The following SNX29 variants were observed in gnomAD, a reference collection of about 807,000 sequenced individuals.
SNX29 encodes the protein sorting nexin 29, also known as sorting nexin-29.
Under a neutral mutation model 102.1 loss-of-function variants are expected in SNX29, and 78 were observed. That is an observed-to-expected ratio of 0.76 (90% CI 0.64 to 0.92). SNX29 has a LOEUF of 0.92. Ranked by LOEUF, SNX29 falls within the 40% of genes least tolerant of loss-of-function variation. The pLI is 0.00. For synonymous variants in SNX29, 580 were observed against 414.5 expected (o/e 1.40, Z -4.85); for missense variants, 1,280 against 1,061.7 (o/e 1.21, Z -2.86).
intron 19 of SNX29, among the ~76,000 whole-genome samples, chr16:12,483,820 G>GT (rs1269117161): frequency 1.3e-5 from 2 of 152,210 alleles, no homozygotes; most frequent in East Asian, 3.8e-4. Context: ...AGAACAAGGA[G>GT]TAGGGGCAAG....
chr16:12,567,830 G>C (rs550163481), intron 20 of SNX29, among the ~76,000 whole-genome samples: 1 of 152,040 alleles, frequency 6.6e-6, no homozygotes, highest in Non-Finnish European at 1.5e-5. Flanking sequence ...CTGCTCTCAC[G>C]GTGAAGCCTC....
intron 14 of SNX29, among the ~76,000 whole-genome samples, chr16:12,248,377 C>G (rs560516080): frequency 1.3e-5 from 2 of 151,748 alleles, no homozygotes; most frequent in African/African-American, 2.4e-5. Context: ...TCTTCCTCTC[C>G]CCATCCAGAT....
chr16:12,451,720 C>T (rs929737608), intron 18 of SNX29, among the ~76,000 whole-genome samples: 4 of 152,142 alleles, frequency 2.6e-5, no homozygotes, highest in East Asian at 1.9e-4. Context: ...AAAAATTAGC[C>T]GGGCATGGTG....
intron 1 of SNX29, chr16:11,977,109 T>A (rs1263652374): frequency 8.5e-6 from 3 of 353,494 alleles, no homozygotes; most frequent in Non-Finnish European, 1.5e-5. Flanking sequence ...CCTTGCCTAG[T>A]GTCCAGACCC....
intron 14 of SNX29, among the ~76,000 whole-genome samples, chr16:12,238,394 C>T (rs899562043): frequency 6.3e-4 from 95 of 151,626 alleles, no homozygotes; most frequent in African/African-American, 2.0e-3. Flanking sequence ...GGCATGATCT[C>T]GGCTCACTGC....
intron 18 of SNX29, among the ~76,000 whole-genome samples, chr16:12,433,258 G>T (rs1433426974): frequency 3.3e-5 from 5 of 152,170 alleles, no homozygotes; most frequent in Non-Finnish European, 5.9e-5. Context: ...TAATGTCGAT[G>T]TAACGAGCCT....
intron 2 of SNX29, among the ~76,000 whole-genome samples, chr16:11,999,756 C>T (rs762190604): frequency 1.1e-4 from 16 of 152,010 alleles, no homozygotes; most frequent in Non-Finnish European, 1.9e-4. Context: ...CAAAAATTAG[C>T]AGGGTGTGGT....
At chr16:12,463,779 C>A (rs1320426022) in intron 18 of SNX29, among the ~76,000 whole-genome samples, 1 of 151,238 alleles carries the variant, frequency 6.6e-6, no homozygotes, top group Admixed American at 6.6e-5. Flanking sequence ...GTAATGACTG[C>A]CACAATCAGA....
intron 13 of SNX29, among the ~76,000 whole-genome samples, chr16:12,197,020 T>C (rs2076792842): frequency 6.6e-6 from 1 of 151,734 alleles, no homozygotes; most frequent in South Asian, 2.1e-4. Flanking sequence ...GGCCACAGAG[T>C]TGGAGATGAA....
intron 19 of SNX29, among the ~76,000 whole-genome samples, chr16:12,517,605 A>G (rs988705832): frequency 3.3e-5 from 5 of 152,186 alleles, no homozygotes; most frequent in East Asian, 1.9e-4. Context: ...ACAAATGTGT[A>G]TGGAGCCTCT....
intron 4 of SNX29, among the ~76,000 whole-genome samples, chr16:12,040,736 G>C (rs2049848032): frequency 6.6e-6 from 1 of 152,170 alleles, no homozygotes. Context: ...ATTGTAATAG[G>C]AAAATGTTCA....
intron 3 of SNX29, among the ~76,000 whole-genome samples, chr16:12,004,289 C>T (rs1000339208): frequency 2.0e-5 from 3 of 148,308 alleles, no homozygotes; most frequent in African/African-American, 7.5e-5. Flanking sequence ...TGCAGTGAGC[C>T]GAGATTGCGC....
intron 16 of SNX29, among the ~76,000 whole-genome samples, chr16:12,367,933 G>C (rs1186315868): frequency 6.6e-6 from 1 of 152,228 alleles, no homozygotes; most frequent in Non-Finnish European, 1.5e-5. Context: ...AAAGATGCTT[G>C]TGGAACCCAC....
intron 15 of SNX29, among the ~76,000 whole-genome samples, chr16:12,349,788 A>AT (rs1166093371): frequency 6.6e-6 from 1 of 151,950 alleles, no homozygotes; most frequent in Non-Finnish European, 1.5e-5. Flanking sequence ...TTTTTTCATT[A>AT]TTTTTTATAC....
intron 16 of SNX29, among the ~76,000 whole-genome samples, chr16:12,389,789 G>A (rs2151462948): frequency 6.6e-6 from 1 of 152,278 alleles, no homozygotes; most frequent in African/African-American, 2.4e-5. Flanking sequence ...GAAACCCTGG[G>A]ACCTGGGAGG....
At chr16:12,035,204 C>CTTT (rs3971431) in intron 4 of SNX29, among the ~76,000 whole-genome samples, 4 of 135,312 alleles carry the variant, frequency 3.0e-5, no homozygotes, top group Non-Finnish European at 4.7e-5. Context: ...AGAAATTTCC[C>CTTT]TTTTTTTTTT....
intron 20 of SNX29, among the ~76,000 whole-genome samples, chr16:12,562,617 C>T (rs905762130): frequency 2.6e-5 from 4 of 152,196 alleles, no homozygotes; most frequent in Non-Finnish European, 5.9e-5. Flanking sequence ...CTCTTGAGAG[C>T]TACAGGCTAT....
In SNX29 at chr16:12,570,774, A is replaced by G. The variant is rs1007571431; in HGVS notation, c.*2145A>G. ...CACCTTGGACATTCTGCACATGATA[A>G]TAATGCAACAGTCCCCCATTGCTGA... On this transcript the variant is annotated 3_prime_UTR_variant, in exon 21 of 21. Coordinates refer to ENST00000566228, the MANE Select transcript of SNX29 (RefSeq NM_032167.5). 2.8e-4 allele frequency: 34 copies of G among 121,038 alleles called. No homozygotes were observed. In the African/African-American group the frequency reaches 3.0e-3, roughly 11 times the overall value. 7.5% of individuals were successfully genotyped at this position (121,038 alleles called of 1,614,324 possible).
rs72773378 is a variant in SNX29 at position 12,554,202 on chromosome 16, G to T, written c.2319-14304G>T. Among the ~76,000 whole-genome samples, 5 of 152,168 alleles carry T rather than the reference G, an allele frequency of 3.3e-5. No individual in the cohort carries two copies. The East Asian group carries it at 7.7e-4, about 23-fold the overall frequency. On this transcript the variant is annotated intron_variant, in intron 20 of 20. Coordinates refer to ENST00000566228, the MANE Select transcript of SNX29 (RefSeq NM_032167.5). ...AAGTTCTGGCTTAAACCATTTGAAC[G>T]ATGAGCATATATAGAGCAAAACGTG...
Sources: gnomAD v4.1 joint callset for allele counts (sites outside exome capture counted in the v4.1 genomes callset) on GRCh38, gnomAD v4.1.1 for gene constraint, MANE v1.5 for transcripts, NCBI Gene and HGNC (gene_info 2026-07-23, HGNC 2026-07-21) for gene names.